The following GRM8 variants were observed in gnomAD, a reference collection of about 807,000 sequenced individuals.
GRM8 encodes glutamate metabotropic receptor 8, also known as metabotropic glutamate receptor 8.
GRM8 carries 47 observed loss-of-function variants against 87.2 expected under a neutral mutation model. The ratio of observed to expected loss-of-function variants is 0.54; its 90% confidence interval spans 0.43 to 0.69. The LOEUF (loss-of-function observed/expected upper bound fraction) is 0.69, where lower values mean the gene tolerates loss of function less well. Among genes scored for constraint, GRM8 ranks in the 30% least tolerant of loss-of-function variants. GRM8 has a pLI of 0.00. For synonymous variants in GRM8, 396 were observed against 404.5 expected (o/e 0.98, Z 0.25); for missense variants, 1,019 against 1,139.2 (o/e 0.89, Z 1.52).
chr7:127,073,247 G>A (rs1161002934), intron 3 of GRM8, among the ~76,000 whole-genome samples: 1 of 152,146 alleles, frequency 6.6e-6, no homozygotes, highest in Non-Finnish European at 1.5e-5. Context: ...AGGCATGCAG[G>A]GCAGAAGGCC....
intron 7 of GRM8, among the ~76,000 whole-genome samples, chr7:126,638,703 G>A (rs961484539): frequency 1.5e-4 from 23 of 152,278 alleles, no homozygotes; most frequent in Middle Eastern, 3.4e-3. Context: ...ATTCGCCTGT[G>A]ATGTAACTTA....
chr7:127,077,962 A>C (rs541641135), intron 3 of GRM8, among the ~76,000 whole-genome samples: 1 of 152,360 alleles, frequency 6.6e-6, no homozygotes, highest in East Asian at 1.9e-4. Flanking sequence ...GGTCGAGGCC[A>C]GGGATGCTGG....
intron 2 of GRM8, among the ~76,000 whole-genome samples, chr7:127,191,369 T>C (rs894849769): frequency 6.6e-6 from 1 of 152,036 alleles, no homozygotes; most frequent in Non-Finnish European, 1.5e-5. Flanking sequence ...AAAAGGAGAG[T>C]GTTTTAATTT....
chr7:127,024,999 G>A (rs998452047), intron 3 of GRM8, among the ~76,000 whole-genome samples: 1 of 151,770 alleles, frequency 6.6e-6, no homozygotes, highest in East Asian at 1.9e-4. Flanking sequence ...CTCTGCTTAC[G>A]AGGACATAAA....
chr7:126,915,091 T>G (rs1033099097), intron 3 of GRM8, among the ~76,000 whole-genome samples: 1 of 152,168 alleles, frequency 6.6e-6, no homozygotes, highest in Non-Finnish European at 1.5e-5. Flanking sequence ...GGGCTCTCAC[T>G]CAGCCACAAC....
At chr7:127,057,658 A>G (rs1820136923) in intron 3 of GRM8, among the ~76,000 whole-genome samples, 1 of 152,212 alleles carries the variant, frequency 6.6e-6, no homozygotes, top group African/African-American at 2.4e-5. Flanking sequence ...CAGAAAAGAT[A>G]TTAGTTACAA....
At chr7:126,701,047 A>ATG (rs1809866701) in intron 7 of GRM8, among the ~76,000 whole-genome samples, 1 of 151,656 alleles carries the variant, frequency 6.6e-6, no homozygotes, top group South Asian at 2.1e-4. Flanking sequence ...GTATATATAT[A>ATG]TGTGTGTATA....
At chr7:126,982,128 G>A (rs1306697685) in intron 3 of GRM8, among the ~76,000 whole-genome samples, 2 of 152,182 alleles carry the variant, frequency 1.3e-5, no homozygotes, top group South Asian at 2.1e-4. Context: ...TTTGCAGTCC[G>A]ACGTTCAAGG....
At chr7:126,460,640 T>G (rs753473589) in intron 9 of GRM8, among the ~76,000 whole-genome samples, 4 of 151,704 alleles carry the variant, frequency 2.6e-5, no homozygotes, top group Non-Finnish European at 5.9e-5. Context: ...CCTCACCAGC[T>G]TTAGCAGAGG....
chr7:126,471,548 A>G (rs1237325939), intron 9 of GRM8, among the ~76,000 whole-genome samples: 2 of 151,858 alleles, frequency 1.3e-5, no homozygotes, highest in African/African-American at 4.8e-5. Flanking sequence ...CCATTGATCT[A>G]TATCTCTGTT....
chr7:126,453,012 C>T (rs548915740), intron 9 of GRM8, among the ~76,000 whole-genome samples: 76 of 151,262 alleles, frequency 5.0e-4, no homozygotes, highest in Admixed American at 1.2e-3. Flanking sequence ...ACGTCAGAAA[C>T]GCTTAACACT....
In GRM8 at chr7:127,106,523, C is replaced by T. The variant is rs1453729718; in HGVS notation, c.700G>A (p.Ala234Thr). 6 of 1,613,780 alleles carry T rather than the reference C, an allele frequency of 3.7e-6. No individual in the cohort carries two copies. The highest frequency in any genetic ancestry group is 1.3e-5 in the African/African-American group (1 of 75,022). ...ATCTCCCTCGAGATCTGGGTGAAGG[C>T]CTCCACACCGCTCTCACCATAGTTC... ...EGNYGESGVE[A>T]FTQISREIGG... is the part of the protein sequence containing the mutation. The change falls in exon 3 of 11, where the codon GCC becomes ACC. Residue 234 changes from alanine (A) to threonine (T), a missense_variant. Ala to Thr is a moderately conservative substitution (Grantham distance 58). Coordinates refer to ENST00000339582, the MANE Select transcript of GRM8 (RefSeq NM_000845.3).
chr7:126,864,479 G>A (rs971832970), intron 6 of GRM8, among the ~76,000 whole-genome samples: 1 of 151,710 alleles, frequency 6.6e-6, no homozygotes, highest in African/African-American at 2.4e-5. Context: ...TAGCTGTCTG[G>A]TCCATTGTTT....
chr7:126,484,000 C>A (rs1807058383), intron 9 of GRM8, among the ~76,000 whole-genome samples: 1 of 152,036 alleles, frequency 6.6e-6, no homozygotes, highest in African/African-American at 2.4e-5. Context: ...ATGTTTATCA[C>A]AGGTACTTTT....
chr7:126,523,611 C>A lies in GRM8; in HGVS notation c.2430+9341G>T, dbSNP rs567662011. On this transcript the variant is annotated intron_variant, in intron 9 of 10. Coordinates refer to ENST00000339582, the MANE Select transcript of GRM8 (RefSeq NM_000845.3). ...CTCCCAGGTTCAAGTTATTCTCCTG[C>A]CTCAGGCTTCAGAGTAGGTGGGATT... 3.3e-5 allele frequency among the ~76,000 whole-genome samples: 5 copies of A among 152,014 alleles called. No individual in the cohort carries two copies. The East Asian group carries it at 7.8e-4, about 24-fold the overall frequency.
chr7:127,103,104 A>T lies in GRM8; in HGVS notation c.727+3392T>A, dbSNP rs558534815. On this transcript the variant is annotated intron_variant, in intron 3 of 10. Transcript: ENST00000339582. ...TCTCAAACTCCACCTCAGCCCCCCA[A>T]AGTGCTGGGATTACAGGCATGAGCC... Among the ~76,000 whole-genome samples the T allele has an allele frequency of 8.9e-4, 135 of 152,282 alleles. 3 individuals carry two copies. The South Asian group carries it at 0.028, about 31-fold the overall frequency.
intron 8 of GRM8, among the ~76,000 whole-genome samples, chr7:126,579,935 A>G (rs554477859): frequency 6.6e-6 from 1 of 152,326 alleles, no homozygotes; most frequent in Non-Finnish European, 1.5e-5. Flanking sequence ...ATAAATATTA[A>G]GGAAATATTA....
chr7:126,549,064 C>A (rs892193572), intron 8 of GRM8, among the ~76,000 whole-genome samples: 5 of 152,010 alleles, frequency 3.3e-5, no homozygotes, highest in Non-Finnish European at 5.9e-5. Context: ...TGTATAAAAT[C>A]AAATCATTAA....
At chr7:127,155,956 T>C (rs1792702997) in intron 2 of GRM8, among the ~76,000 whole-genome samples, 1 of 152,132 alleles carries the variant, frequency 6.6e-6, no homozygotes, top group Non-Finnish European at 1.5e-5. Context: ...AACCTGGAAT[T>C]GACGCCCTCT....
Sources: gnomAD v4.1 joint callset for allele counts (sites outside exome capture counted in the v4.1 genomes callset) on GRCh38, gnomAD v4.1.1 for gene constraint, MANE v1.5 for transcripts, NCBI Gene and HGNC (gene_info 2026-07-23, HGNC 2026-07-21) for gene names.